Variants in LRP1B observed in about 807,000 individuals in gnomAD.
LRP1B encodes LDL receptor related protein 1B.
LRP1B carries 217 observed loss-of-function variants against 556.6 expected under a neutral mutation model. That is an observed-to-expected ratio of 0.39 (90% CI 0.35 to 0.44). The LOEUF (loss-of-function observed/expected upper bound fraction) is 0.44, where lower values mean the gene tolerates loss of function less well. Among genes scored for constraint, LRP1B ranks in the 20% least tolerant of loss-of-function variants. LRP1B has a pLI of 1.00. For synonymous variants in LRP1B, 2,047 were observed against 1,865.8 expected (o/e 1.10, Z -2.50); for missense variants, 5,053 against 5,620.8 (o/e 0.90, Z 3.23).
intron 3 of LRP1B, among the ~76,000 whole-genome samples, chr2:141,337,950 C>A (rs148751807): frequency 0.012 from 1,783 of 152,130 alleles, 23 homozygotes; most frequent in Middle Eastern, 0.02. Flanking sequence ...GTATATTTTC[C>A]GAATGATGTT....
At chr2:141,925,750 C>A (rs566749947) in intron 1 of LRP1B, among the ~76,000 whole-genome samples, 10 of 152,262 alleles carry the variant, frequency 6.6e-5, no homozygotes, top group Admixed American at 1.3e-4. Flanking sequence ...CCTCTGGAAG[C>A]AATTTCTGGC....
intron 1 of LRP1B, among the ~76,000 whole-genome samples, chr2:141,997,328 T>G (rs1343276555): frequency 6.6e-6 from 1 of 151,316 alleles, no homozygotes; most frequent in African/African-American, 2.4e-5. Flanking sequence ...AGGATTTTGT[T>G]AAAGAGCTCA....
intron 3 of LRP1B, among the ~76,000 whole-genome samples, chr2:141,361,480 T>A (rs954251647): frequency 6.6e-6 from 1 of 152,122 alleles, no homozygotes; most frequent in East Asian, 1.9e-4. Flanking sequence ...TCAGCAGTGA[T>A]CTCCTTAGGA....
Position 140,237,805 on chromosome 2 carries a change from C to T in LRP1B, c.13560+347G>A, listed in dbSNP as rs573318005. On this transcript the variant is annotated intron_variant, in intron 89 of 90. Transcript: ENST00000389484. ...CCCTGAAGAAGACCTAAACAATTTG[C>T]TGTGTGATATCAATACTAAAACAAT... Among the ~76,000 whole-genome samples, 4 of 150,818 alleles carry T rather than the reference C, an allele frequency of 2.7e-5. No individual in the cohort carries two copies. The Admixed American group carries it at 2.7e-4, about 10-fold the overall frequency.
rs1488490842 is a variant in LRP1B at position 140,885,827 on chromosome 2, A to C, written c.3964+311T>G. Among the ~76,000 whole-genome samples the C allele has an allele frequency of 4.6e-5, 7 of 150,962 alleles. No individual in the cohort carries two copies. The East Asian group carries it at 1.2e-3, about 25-fold the overall frequency. ...AAAAAAAAAAAAAACAAGTTATTGT[A>C]ACTCCTAAAAATGTGACTAATGGTA... On this transcript the variant is annotated intron_variant, in intron 24 of 90. Transcript: ENST00000389484.
intron 7 of LRP1B, among the ~76,000 whole-genome samples, chr2:141,099,249 C>T (rs1328546660): frequency 6.6e-6 from 1 of 152,058 alleles, no homozygotes; most frequent in Non-Finnish European, 1.5e-5. Context: ...CTTAAAATAG[C>T]CTTTTTTCCT....
chr2:142,106,422 AT>A (rs1706748060), intron 1 of LRP1B, among the ~76,000 whole-genome samples: 1 of 152,164 alleles, frequency 6.6e-6, no homozygotes, highest in South Asian at 2.1e-4. Context: ...AATTAGTTAC[AT>A]TTTGCAGATA....
At chr2:140,812,996 CT>C (rs1690981376) in intron 32 of LRP1B, among the ~76,000 whole-genome samples, 2 of 152,092 alleles carry the variant, frequency 1.3e-5, no homozygotes, top group Non-Finnish European at 2.9e-5. Context: ...TTCAAACTAT[CT>C]TTTTAAACTG....
At chr2:140,774,543 T>C (rs1348636245) in intron 33 of LRP1B, among the ~76,000 whole-genome samples, 1 of 152,186 alleles carries the variant, frequency 6.6e-6, no homozygotes, top group African/African-American at 2.4e-5. Flanking sequence ...ATGCTCTGTT[T>C]GGAAATTCTT....
At chr2:142,055,925 T>C (rs1574638799) in intron 1 of LRP1B, among the ~76,000 whole-genome samples, 2 of 151,994 alleles carry the variant, frequency 1.3e-5, no homozygotes, top group South Asian at 2.1e-4. Flanking sequence ...CGGAGGTGAG[T>C]GTATCACCTG....
chr2:141,020,221 T>C (rs17581008), intron 11 of LRP1B, 119 bp from the exon 12 acceptor site: 10,961 of 569,480 alleles, frequency 0.019, 128 homozygotes, highest in Middle Eastern at 0.033. Context: ...CTCTGATCCA[T>C]GAAATCTTTA....
At chr2:141,576,631 A>G (rs1375387684) in intron 2 of LRP1B, among the ~76,000 whole-genome samples, 1 of 151,728 alleles carries the variant, frequency 6.6e-6, no homozygotes, top group Non-Finnish European at 1.5e-5. Context: ...GTACATGCCT[A>G]TGGTTCCAGT....
Position 142,116,762 on chromosome 2 carries a change from C to T in LRP1B, c.82+13886G>A, listed in dbSNP as rs148649689. 3.8e-3 allele frequency among the ~76,000 whole-genome samples: 575 copies of T among 152,158 alleles called. 3 individuals are homozygous for T. The highest frequency in any genetic ancestry group is 0.013 in the African/African-American group (526 of 41,510). On this transcript the variant is annotated intron_variant, in intron 1 of 90. Transcript: ENST00000389484. ...AAAATATAAAGTTAAAAAAATACTT[C>T]GTCAAATAATGAGTTTGGATAAACT...
At chr2:140,241,259 T>C (rs1558919703) in intron 87 of LRP1B, among the ~76,000 whole-genome samples, 1 of 150,842 alleles carries the variant, frequency 6.6e-6, no homozygotes, top group Non-Finnish European at 1.5e-5. Context: ...TGGATGGTAA[T>C]TAACACTTGT....
At position 141,201,580 on chromosome 2, in the gene LRP1B, TTTAAG is replaced by T. The variant is rs532952999; in HGVS notation, c.851-13002_851-12998del. 2.3e-3 allele frequency among the ~76,000 whole-genome samples: 349 copies of T among 152,240 alleles called. 1 individual carries two copies. The Middle Eastern group carries it at 0.024, about 10-fold the overall frequency. On this transcript the variant is annotated intron_variant, in intron 6 of 90. Coordinates refer to ENST00000389484, the MANE Select transcript of LRP1B (RefSeq NM_018557.3). ...GATTTGTGTCCCTAAAAATACATAT[TTTAAG>T]TTATTATTATATTCATATAATTATT...
At position 141,316,904 on chromosome 2, in the gene LRP1B, G is replaced by A. The variant is rs146469103; in HGVS notation, c.344-62263C>T. 1.3e-3 allele frequency among the ~76,000 whole-genome samples: 198 copies of A among 152,214 alleles called. 1 individual carries two copies. The highest frequency in any genetic ancestry group is 4.5e-3 in the African/African-American group (185 of 41,526). On this transcript the variant is annotated intron_variant, in intron 3 of 90. Coordinates refer to ENST00000389484, the MANE Select transcript of LRP1B (RefSeq NM_018557.3). ...TAAGTACTAGCCAGTTTTGCTTTGG[G>A]GATTAGCAGTATTTGTATTTGGCAA...
At chr2:141,548,931 T>C (rs1168054905) in intron 2 of LRP1B, among the ~76,000 whole-genome samples, 1 of 151,754 alleles carries the variant, frequency 6.6e-6, no homozygotes, top group African/African-American at 2.4e-5. Context: ...TCTGGTGTCT[T>C]TTTAAACGTT....
intron 3 of LRP1B, among the ~76,000 whole-genome samples, chr2:141,291,888 A>C (rs1287732545): frequency 1.4e-5 from 2 of 139,816 alleles, no homozygotes; most frequent in Admixed American, 7.2e-5. Context: ...AAAAAAAAAA[A>C]AACTTGTTTG....
chr2:140,515,186 C>A (rs1371783444), intron 50 of LRP1B, among the ~76,000 whole-genome samples: 2 of 151,870 alleles, frequency 1.3e-5, no homozygotes, highest in Admixed American at 6.6e-5. Context: ...AGTAAGGTAA[C>A]AATATGGTGG....
Sources: gnomAD v4.1 joint callset for allele counts (sites outside exome capture counted in the v4.1 genomes callset) on GRCh38, gnomAD v4.1.1 for gene constraint, MANE v1.5 for transcripts, NCBI Gene and HGNC (gene_info 2026-07-23, HGNC 2026-07-21) for gene names.